CUL5: variants seen among roughly 807,000 people sequenced by gnomAD.
CUL5 encodes cullin-5.
In CUL5, 26 loss-of-function variants were observed where a neutral mutation model predicts 108.8. The ratio of observed to expected loss-of-function variants is 0.24; its 90% CI spans 0.18 to 0.33. The LOEUF is 0.33. Among genes scored for constraint, CUL5 ranks in the 10% least tolerant of loss-of-function variants. The pLI is 1.00. For synonymous variants in CUL5, 334 were observed against 298.0 expected (o/e 1.12, Z -1.25); for missense variants, 524 against 909.2 (o/e 0.58, Z 5.45).
At chr11:108,014,593 C>A (rs1862134865) in intron 1 of CUL5, among the ~76,000 whole-genome samples, 1 of 152,036 alleles carries the variant, frequency 6.6e-6, no homozygotes, top group South Asian at 2.1e-4. Flanking sequence ...TGAGATTGGC[C>A]ATGGATGAGG....
intron 1 of CUL5, among the ~76,000 whole-genome samples, chr11:108,033,367 C>T (rs918524743): frequency 6.6e-6 from 1 of 152,126 alleles, no homozygotes; most frequent in East Asian, 1.9e-4. Flanking sequence ...ACCCCAAACC[C>T]GTATCTCAAG....
intron 1 of CUL5, among the ~76,000 whole-genome samples, chr11:108,033,230 C>T (rs765957827): frequency 9.2e-5 from 14 of 152,150 alleles, no homozygotes; most frequent in East Asian, 1.9e-4. Flanking sequence ...ACAGTATGCA[C>T]GAGTACCATC....
chr11:108,029,952 A>C (rs1862538571), intron 1 of CUL5, among the ~76,000 whole-genome samples: 2 of 152,234 alleles, frequency 1.3e-5, no homozygotes, highest in Non-Finnish European at 2.9e-5. Flanking sequence ...AATAGACTTA[A>C]TTGAAATTAG....
chr11:108,077,257 A>AGG (rs1863962617), intron 10 of CUL5, among the ~76,000 whole-genome samples: 1 of 152,216 alleles, frequency 6.6e-6, no homozygotes, highest in Non-Finnish European at 1.5e-5. Flanking sequence ...TTTCAGGAGG[A>AGG]GGGTGTGATC....
intron 11 of CUL5, 73 bp from the exon 12 acceptor site, chr11:108,088,454 T>A: frequency 6.9e-7 from 1 of 1,440,012 alleles, no homozygotes; most frequent in South Asian, 1.3e-5. Flanking sequence ...CGCTTGTGAA[T>A]CATTGACTTT....
intron 2 of CUL5, among the ~76,000 whole-genome samples, chr11:108,035,373 G>A (rs1862709130): frequency 6.6e-6 from 1 of 152,146 alleles, no homozygotes; most frequent in Non-Finnish European, 1.5e-5. Context: ...AGTGGTTGAG[G>A]TGGTCCAGCC....
At chr11:108,044,310 G>A (rs1270814080) in intron 2 of CUL5, among the ~76,000 whole-genome samples, 1 of 152,020 alleles carries the variant, frequency 6.6e-6, no homozygotes, top group African/African-American at 2.4e-5. Context: ...GAGTTCAGGG[G>A]TTCATGATCA....
chr11:108,083,988 AT>A (rs1045437910), intron 11 of CUL5, among the ~76,000 whole-genome samples: 6 of 151,810 alleles, frequency 4.0e-5, no homozygotes, highest in African/African-American at 1.5e-4. Flanking sequence ...TTTTTTGGCG[AT>A]TTTTTTTCTT....
chr11:108,094,465 G>T lies in CUL5; in HGVS notation c.1518G>T (p.Leu506Phe). 1 of 1,550,842 alleles carries T rather than the reference G, an allele frequency of 6.4e-7. No homozygotes were observed. The highest frequency in any genetic ancestry group is 1.2e-5 in the South Asian group (1 of 83,002). ...AGGACATAAAAGTATCTGAAGATTT[G>T]AACCAAGCTTTTAAGGAAATGCACA... Reference protein sequence around the residue: ...MFQDIKVSEDLNQAFKEMHKN... With the variant: ...MFQDIKVSEDFNQAFKEMHKN... Residue 506 changes from leucine (L) to phenylalanine (F), a missense_variant, in exon 14 of 19, where the codon TTG becomes TTT. Physicochemically the swap from Leu to Phe is conservative, Grantham distance 22 (BLOSUM62 0). Around this residue, in one of 8 missense-constraint regions of CUL5, gnomAD observed 23 missense variants for 19.9 expected, o/e 1.16. Transcript: ENST00000393094.
chr11:108,051,501 C>T (rs1012970796), intron 4 of CUL5, among the ~76,000 whole-genome samples: 3 of 152,196 alleles, frequency 2.0e-5, no homozygotes, highest in Non-Finnish European at 2.9e-5. Context: ...TACATGCAGA[C>T]AATACATAGA....
chr11:108,064,322 A>G (rs1278499049), intron 7 of CUL5, among the ~76,000 whole-genome samples: 2 of 152,224 alleles, frequency 1.3e-5, no homozygotes, highest in Admixed American at 6.5e-5. Context: ...GTGATGTATC[A>G]TTTGATCAAT....
At chr11:108,028,553 T>G (rs1400649859) in intron 1 of CUL5, among the ~76,000 whole-genome samples, 1 of 152,134 alleles carries the variant, frequency 6.6e-6, no homozygotes, top group African/African-American at 2.4e-5. Flanking sequence ...ATTATGACAC[T>G]TCAGGCCAGG....
chr11:108,052,499 C>A (rs1863255609), intron 4 of CUL5, among the ~76,000 whole-genome samples, 161 bp from the exon 5 acceptor site: 2 of 152,026 alleles, frequency 1.3e-5, no homozygotes, highest in African/African-American at 4.8e-5. Context: ...TAGACTCCAG[C>A]GATCCACCTG....
chr11:108,072,368 C>T lies in CUL5; in HGVS notation c.911C>T (p.Pro304Leu), dbSNP rs1361398192. ...HLMFSLMDKV[P>L]NGIEPMLKDL... ...ATGTTTTCATTGATGGACAAAGTTCCTAATGGTATAGAGCCAATGTTGAAA... is the reference window on the plus strand; with the variant it reads ...ATGTTTTCATTGATGGACAAAGTTCTTAATGGTATAGAGCCAATGTTGAAA... Residue 304 changes from proline (P) to leucine (L), a missense_variant, in exon 9 of 19, where the codon CCT becomes CTT. By Grantham distance (98) the Pro-to-Leu change is moderately conservative. This residue lies in a region of CUL5 where 170 missense variants were observed against 305.1 expected (regional missense o/e 0.56). Coordinates refer to ENST00000393094, the MANE Select transcript of CUL5 (RefSeq NM_003478.6). 1 of 1,609,322 alleles carries T rather than the reference C, an allele frequency of 6.2e-7. No individual in the cohort carries two copies. Among genetic ancestry groups the T allele is most frequent in the East Asian group, 2.2e-5 (1 of 44,756 alleles).
At chr11:108,071,420 G>T (rs1466172059) in intron 8 of CUL5, among the ~76,000 whole-genome samples, 1 of 151,744 alleles carries the variant, frequency 6.6e-6, no homozygotes, top group African/African-American at 2.4e-5. Flanking sequence ...GTACCACCAT[G>T]CCTGGCTAAT....
intron 1 of CUL5, among the ~76,000 whole-genome samples, chr11:108,025,724 G>A (rs887258487): frequency 6.6e-6 from 1 of 152,042 alleles, no homozygotes; most frequent in African/African-American, 2.4e-5. Flanking sequence ...CCAGGTACAG[G>A]TTAGTACTCA....
At chr11:108,040,321 A>G (rs1053327989) in intron 2 of CUL5, among the ~76,000 whole-genome samples, 1 of 152,086 alleles carries the variant, frequency 6.6e-6, no homozygotes, top group Non-Finnish European at 1.5e-5. Context: ...TCTACAAAAA[A>G]TTAGCCAAGG....
chr11:108,043,599 C>G (rs1476869020), intron 2 of CUL5, among the ~76,000 whole-genome samples: 2 of 152,140 alleles, frequency 1.3e-5, no homozygotes, highest in East Asian at 1.9e-4. Flanking sequence ...AGTGTGAGTT[C>G]TGGAGCCTGA....
chr11:108,058,408 C>T (rs1169975549), intron 7 of CUL5, among the ~76,000 whole-genome samples: 2 of 150,992 alleles, frequency 1.3e-5, no homozygotes, highest in African/African-American at 2.4e-5. Flanking sequence ...ACCACCACAC[C>T]CGGCTAATTT....
Sources: gnomAD v4.1 joint callset for allele counts (sites outside exome capture counted in the v4.1 genomes callset) on GRCh38, gnomAD v4.1.1 for gene constraint, gnomAD v4.1.1 regional missense constraint, MANE v1.5 for transcripts, NCBI Gene and HGNC (gene_info 2026-07-23, HGNC 2026-07-21) for gene names.